LARGE1: variants seen among roughly 807,000 people sequenced by gnomAD.
LARGE1 encodes LARGE xylosyl- and glucuronyltransferase 1, also known as xylosyl- and glucuronyltransferase LARGE1.
A neutral mutation model predicts 87.6 loss-of-function variants in LARGE1; 43 were observed. That is an observed-to-expected ratio of 0.49 (90% CI 0.38 to 0.63). LARGE1 has a LOEUF of 0.63. Ranked by LOEUF, LARGE1 falls within the 30% of genes least tolerant of loss-of-function variation. LARGE1 has a pLI of 0.00. For synonymous variants in LARGE1, 434 were observed against 394.6 expected (o/e 1.10, Z -1.18); for missense variants, 802 against 1,000.2 (o/e 0.80, Z 2.67).
intron 1 of LARGE1, among the ~76,000 whole-genome samples, chr22:33,762,201 G>A (rs1036679244): frequency 2.4e-5 from 3 of 123,874 alleles, no homozygotes; most frequent in Non-Finnish European, 3.2e-5. Flanking sequence ...GAGACAGAGC[G>A]AGATTCTATC....
intron 2 of LARGE1, among the ~76,000 whole-genome samples, chr22:33,669,026 AG>A (rs1227452126): frequency 1.3e-5 from 2 of 152,218 alleles, no homozygotes; most frequent in Non-Finnish European, 2.9e-5. Context: ...TTAACACCTC[AG>A]GCTACGTTAC....
intron 1 of LARGE1, among the ~76,000 whole-genome samples, chr22:33,824,428 G>C (rs1024099419): frequency 9.9e-5 from 15 of 152,190 alleles, no homozygotes; most frequent in Non-Finnish European, 2.9e-5. Flanking sequence ...ATCAGATCTT[G>C]TGAGAACTCA....
At chr22:33,148,157 G>A in the LARGE1 span, among the ~76,000 whole-genome samples, 1 of 152,146 alleles carries the variant, frequency 6.6e-6, no homozygotes, top group African/African-American at 2.4e-5. Flanking sequence ...ACCCTCTACA[G>A]ATGTCAATGC....
At chr22:33,645,076 C>A (rs1045786267) in intron 3 of LARGE1, among the ~76,000 whole-genome samples, 2 of 152,090 alleles carry the variant, frequency 1.3e-5, no homozygotes, top group African/African-American at 4.8e-5. Context: ...TCATATGGAA[C>A]CAAAAAAGAG....
chr22:33,144,771 T>C, the LARGE1 span, among the ~76,000 whole-genome samples: 1 of 152,100 alleles, frequency 6.6e-6, no homozygotes, highest in Non-Finnish European at 1.5e-5. Context: ...GTTCCAAGCA[T>C]GTAGAGATAG....
At chr22:33,780,919 ACT>A (rs1247518018) in intron 1 of LARGE1, among the ~76,000 whole-genome samples, 2 of 152,148 alleles carry the variant, frequency 1.3e-5, no homozygotes, top group Non-Finnish European at 2.9e-5. Flanking sequence ...TAGAGTAAAC[ACT>A]CTGGTTAATA....
intron 7 of LARGE1, among the ~76,000 whole-genome samples, chr22:33,425,093 C>T (rs1440260508): frequency 6.6e-6 from 1 of 151,964 alleles, no homozygotes; most frequent in South Asian, 2.1e-4. Flanking sequence ...GAAACCTCAC[C>T]TCCACTAAAA....
At chr22:33,555,751 A>C (rs2077656268) in intron 6 of LARGE1, among the ~76,000 whole-genome samples, 1 of 151,694 alleles carries the variant, frequency 6.6e-6, no homozygotes, top group Admixed American at 6.6e-5. Context: ...CAACATGGTG[A>C]AACCCCATCT....
chr22:33,320,463 T>C (rs920210479), intron 10 of LARGE1, among the ~76,000 whole-genome samples: 1 of 152,226 alleles, frequency 6.6e-6, no homozygotes, highest in Admixed American at 6.5e-5. Flanking sequence ...ACTCAGTTCG[T>C]AACTCCATTA....
At chr22:33,535,416 G>A (rs1202183171) in intron 6 of LARGE1, among the ~76,000 whole-genome samples, 1 of 152,128 alleles carries the variant, frequency 6.6e-6, no homozygotes, top group Non-Finnish European at 1.5e-5. Flanking sequence ...GGTGGCAGGC[G>A]CCTGTAATCC....
chr22:33,849,961 C>A (rs139394578), intron 1 of LARGE1, among the ~76,000 whole-genome samples: 1 of 151,936 alleles, frequency 6.6e-6, no homozygotes, highest in South Asian at 2.1e-4. Context: ...ATTTTCCATA[C>A]GAGGAAATAC....
chr22:33,266,196 G>T (rs1419386758), intron 11 of LARGE1, among the ~76,000 whole-genome samples: 2 of 149,032 alleles, frequency 1.3e-5, no homozygotes, highest in African/African-American at 4.9e-5. Context: ...GGGGCCACGT[G>T]GGCCTAGGTC....
intron 11 of LARGE1, among the ~76,000 whole-genome samples, chr22:33,225,199 C>A (rs1194329312): frequency 6.6e-6 from 1 of 152,122 alleles, no homozygotes; most frequent in African/African-American, 2.4e-5. Context: ...TAGAGACCAA[C>A]CAGGAGAGGC....
At chr22:33,661,135 C>T (rs761748105) in intron 2 of LARGE1, among the ~76,000 whole-genome samples, 1 of 151,782 alleles carries the variant, frequency 6.6e-6, no homozygotes, top group African/African-American at 2.4e-5. Flanking sequence ...CTATCCTTTT[C>T]TCACTTTGTG....
chr22:33,240,644 TA>T (rs1926467879), intron 11 of LARGE1, among the ~76,000 whole-genome samples: 1 of 152,236 alleles, frequency 6.6e-6, no homozygotes, highest in Admixed American at 6.5e-5. Flanking sequence ...CTTTGCTTTT[TA>T]AAAATTTTGT....
At chr22:33,605,958 C>T (rs755754446) in intron 4 of LARGE1, among the ~76,000 whole-genome samples, 1 of 152,014 alleles carries the variant, frequency 6.6e-6, no homozygotes, top group Non-Finnish European at 1.5e-5. Context: ...AGGACTTTGA[C>T]AAGAGAAGAA....
intron 10 of LARGE1, among the ~76,000 whole-genome samples, chr22:33,327,865 A>G (rs762044917): frequency 2.6e-5 from 4 of 152,184 alleles, no homozygotes; most frequent in Non-Finnish European, 5.9e-5. Context: ...TCTGAGTCCA[A>G]GTGGAGGGAT....
At chr22:33,872,911 A>G (rs1162848268) in intron 1 of LARGE1, among the ~76,000 whole-genome samples, 2 of 152,276 alleles carry the variant, frequency 1.3e-5, no homozygotes, top group African/African-American at 4.8e-5. Flanking sequence ...GAGGCAGGAG[A>G]ATTGCCTGAA....
At chr22:33,147,471 T>C in the LARGE1 span, among the ~76,000 whole-genome samples, 1 of 152,332 alleles carries the variant, frequency 6.6e-6, no homozygotes, top group African/African-American at 2.4e-5. Context: ...AATTACGTTT[T>C]AGTTTATTTT....
Sources: gnomAD v4.1 joint callset for allele counts (sites outside exome capture counted in the v4.1 genomes callset) on GRCh38, gnomAD v4.1.1 for gene constraint, MANE v1.5 for transcripts, NCBI Gene and HGNC (gene_info 2026-07-23, HGNC 2026-07-21) for gene names.